DAB1: variants seen among roughly 807,000 people sequenced by gnomAD.
DAB1 encodes DAB adaptor protein 1, also known as disabled homolog 1.
In DAB1, 15 loss-of-function variants were observed where a neutral mutation model predicts 64.6. That is an observed-to-expected ratio of 0.23 (90% confidence interval 0.16 to 0.36). The LOEUF (loss-of-function observed/expected upper bound fraction) is 0.36. DAB1 is among the 10% of genes least tolerant of loss of function. The pLI is 1.00. For synonymous variants in DAB1, 235 were observed against 251.9 expected (o/e 0.93, Z 0.64); for missense variants, 596 against 706.7 (o/e 0.84, Z 1.78).
At chr1:57,556,558 G>A (rs952792409) in intron 7 of DAB1, among the ~76,000 whole-genome samples, 2 of 151,542 alleles carry the variant, frequency 1.3e-5, no homozygotes, top group Non-Finnish European at 2.9e-5. Flanking sequence ...TCATATGTTT[G>A]TTGGCCATTT....
chr1:58,043,173 A>G (rs1647165222), intron 5 of DAB1, among the ~76,000 whole-genome samples: 1 of 152,200 alleles, frequency 6.6e-6, no homozygotes, highest in Non-Finnish European at 1.5e-5. Context: ...GTAAGAAGAC[A>G]GATAAGAGAC....
intron 2 of DAB1, among the ~76,000 whole-genome samples, chr1:57,223,421 G>T (rs183111718): frequency 2.0e-5 from 3 of 152,098 alleles, no homozygotes; most frequent in Non-Finnish European, 4.4e-5. Flanking sequence ...AACTTACCTC[G>T]CTGGCTTAGA....
At chr1:57,206,532 G>A (rs197101) in intron 2 of DAB1, among the ~76,000 whole-genome samples, 81,992 of 152,012 alleles carry the variant, frequency 0.54, 22,365 homozygotes, top group African/African-American at 0.6. Context: ...GTGCCTCCTC[G>A]CTGTCTCTTC....
At chr1:57,997,129 C>G (rs1283209100) in intron 5 of DAB1, among the ~76,000 whole-genome samples, 1 of 152,098 alleles carries the variant, frequency 6.6e-6, no homozygotes, top group Non-Finnish European at 1.5e-5. Context: ...AGCTTCCCAA[C>G]TTATTGGGAA....
chr1:58,004,260 T>C (rs1235461525), intron 5 of DAB1, among the ~76,000 whole-genome samples: 2 of 152,214 alleles, frequency 1.3e-5, no homozygotes. Flanking sequence ...CAAATATATA[T>C]TTTCCATTTG....
intron 2 of DAB1, among the ~76,000 whole-genome samples, chr1:58,515,091 C>A (rs1646139159): frequency 6.6e-6 from 1 of 152,224 alleles, no homozygotes; most frequent in Non-Finnish European, 1.5e-5. Context: ...CATACCTCCA[C>A]AGGTTCATCA....
intron 2 of DAB1, among the ~76,000 whole-genome samples, chr1:58,524,530 T>C (rs1646319552): frequency 6.6e-6 from 1 of 152,228 alleles, no homozygotes; most frequent in Admixed American, 6.5e-5. Context: ...GCATCTTCTA[T>C]ACAAGATAAA....
intron 5 of DAB1, among the ~76,000 whole-genome samples, chr1:57,937,089 T>C (rs1368793077): frequency 6.6e-6 from 1 of 152,100 alleles, no homozygotes; most frequent in African/African-American, 2.4e-5. Context: ...AGCAGATGCC[T>C]TGTCTTGTTT....
At chr1:58,157,498 T>C (rs1474928022) in intron 4 of DAB1, among the ~76,000 whole-genome samples, 1 of 152,192 alleles carries the variant, frequency 6.6e-6, no homozygotes, top group Non-Finnish European at 1.5e-5. Context: ...TCTGTGAGTT[T>C]ACTGAGTTCC....
chr1:57,009,516 G>T (rs533956607), intron 14 of DAB1, among the ~76,000 whole-genome samples: 1 of 152,228 alleles, frequency 6.6e-6, no homozygotes, highest in East Asian at 1.9e-4. Context: ...TCTAACTTAC[G>T]TGTGGGCTAA....
chr1:57,134,955 A>G (rs987265985), intron 4 of DAB1, among the ~76,000 whole-genome samples: 2 of 152,204 alleles, frequency 1.3e-5, no homozygotes, highest in African/African-American at 2.4e-5. Context: ...TATGTATTTG[A>G]TAAAGTAGCT....
intron 7 of DAB1, among the ~76,000 whole-genome samples, chr1:57,556,474 T>G (rs1644989900): frequency 6.6e-6 from 1 of 152,150 alleles, no homozygotes; most frequent in Admixed American, 6.6e-5. Context: ...TGGCCATTCT[T>G]GTAGGAGTAA....
intron 4 of DAB1, among the ~76,000 whole-genome samples, chr1:58,163,913 C>G (rs1212058024): frequency 6.6e-6 from 1 of 152,152 alleles, no homozygotes; most frequent in African/African-American, 2.4e-5. Context: ...AAAGCCAGAA[C>G]AGCTTTGAAA....
intron 10 of DAB1, 147 bp downstream of exon 10, chr1:57,025,834 A>T (rs1646766754): frequency 4.7e-6 from 3 of 633,542 alleles, no homozygotes; most frequent in Non-Finnish European, 8.3e-6. Flanking sequence ...ATGACTAGTT[A>T]GTTTGTCCAA....
At chr1:57,358,672 C>T (rs561660194) in intron 1 of DAB1, among the ~76,000 whole-genome samples, 1 of 151,980 alleles carries the variant, frequency 6.6e-6, no homozygotes, top group African/African-American at 2.4e-5. Context: ...ATAGCCAAAA[C>T]AATCTTGAGT....
At chr1:58,512,363 A>C (rs1436498867) in intron 2 of DAB1, among the ~76,000 whole-genome samples, 3 of 152,208 alleles carry the variant, frequency 2.0e-5, no homozygotes, top group Non-Finnish European at 2.9e-5. Flanking sequence ...AAAATTTTTA[A>C]AAAGTACTAT....
rs202099498 is a variant in DAB1 at position 57,145,361 on chromosome 1, A to G, written c.136T>C (p.Leu46=). 7.4e-6 allele frequency: 12 copies of G among 1,614,098 alleles called. No individual in the cohort carries two copies. The East Asian group carries it at 2.2e-4, about 30-fold the overall frequency. The change falls in exon 3 of 15, where the codon TTG becomes CTG. Residue 46 remains leucine (L), a synonymous_variant. Coordinates refer to ENST00000371236, the MANE Select transcript of DAB1 (RefSeq NM_001365792.1). ...KGEGVRYKAK[L]IGIDEVSAAR... ...GCGGAAACTTCATCAATCCCGATCA[A>G]TTTGGCTTTGTACCGGACCCCTTCA...
chr1:57,759,008 A>G (rs1277596536), intron 6 of DAB1, among the ~76,000 whole-genome samples: 5 of 152,174 alleles, frequency 3.3e-5, no homozygotes, highest in African/African-American at 1.2e-4. Flanking sequence ...TACATTATCA[A>G]TTTTAAACAG....
At position 57,481,523 on chromosome 1, in the gene DAB1, G is replaced by A. The variant is rs189675479; in HGVS notation, n.625+168069C>T. 7.2e-5 allele frequency among the ~76,000 whole-genome samples: 11 copies of A among 152,234 alleles called. No homozygotes were observed. In the East Asian group the frequency reaches 1.5e-3, roughly 21 times the overall value. ...GTTTGCTTATTCATAATACAGCCAC[G>A]ATGATGACGATGATGATGATACTTA... On this transcript the variant is annotated intron_variant and non_coding_transcript_variant, in intron 7 of 20. Coordinates refer to the DAB1 transcript ENST00000485760.
Sources: allele counts gnomAD v4.1 joint callset (sites outside exome capture counted in the v4.1 genomes callset), GRCh38; gene constraint gnomAD v4.1.1; transcripts MANE v1.5; gene names NCBI Gene and HGNC (gene_info 2026-07-23, HGNC 2026-07-21).